The following ATR variants were observed in gnomAD, a reference collection of about 807,000 sequenced individuals.
ATR encodes the protein ATR checkpoint kinase.
ATR carries 142 observed loss-of-function variants against 305.3 expected under a neutral mutation model. That is an observed-to-expected ratio of 0.47 (90% CI 0.41 to 0.53). The LOEUF (loss-of-function observed/expected upper bound fraction) is 0.53, where lower values mean the gene tolerates loss of function less well. ATR is among the 20% of genes least tolerant of loss of function. ATR has a pLI of 0.00. For missense variants in ATR, 2,135 were observed against 3,133.1 expected (o/e 0.68, Z 7.60); for synonymous variants, 1,050 against 1,068.1 (o/e 0.98, Z 0.33).
At chr3:142,521,514 A>G (rs1311823571) in intron 23 of ATR, among the ~76,000 whole-genome samples, 1 of 152,236 alleles carries the variant, frequency 6.6e-6, no homozygotes, top group Non-Finnish European at 1.5e-5. Flanking sequence ...GAGTAAACTG[A>G]AAACCTTCTG....
chr3:142,469,601 A>T, intron 37 of ATR, 32 bp from the exon 38 acceptor site: 1 of 1,554,692 alleles, frequency 6.4e-7, no homozygotes, highest in South Asian at 1.1e-5. Flanking sequence ...AAAAACAATA[A>T]AGGAAAGAGA....
intron 21 of ATR, among the ~76,000 whole-genome samples, chr3:142,527,115 ATTTG>A (rs1489488958): frequency 6.6e-6 from 1 of 152,070 alleles, no homozygotes; most frequent in Non-Finnish European, 1.5e-5. Flanking sequence ...TGTGAAATTG[ATTTG>A]TTTGATAATA....
chr3:142,560,850 G>A (rs377382138), intron 5 of ATR, among the ~76,000 whole-genome samples: 3 of 152,118 alleles, frequency 2.0e-5, no homozygotes, highest in East Asian at 3.9e-4. Context: ...GTGAGCCACC[G>A]CGCCCAGCCT....
chr3:142,560,380 A>C lies in ATR; in HGVS notation c.1424T>G (p.Ile475Ser), dbSNP rs781126519. Residue 475 changes from isoleucine (I) to serine (S), a missense_variant, in exon 6 of 47, where the codon ATT becomes AGT. By Grantham distance (142) the Ile-to-Ser change is moderately radical. Coordinates refer to ENST00000350721, the MANE Select transcript of ATR (RefSeq NM_001184.4). ...CTTTAGGCCACTGTATTCAAGGGAA[A>C]TCTGAAGGGATTCAGCTTTCTGTTT... ...ALKQKAESLQ[I>S]SLEYSGLKNP... 9 of 1,613,882 alleles carry C rather than the reference A, an allele frequency of 5.6e-6. No homozygotes were observed. In the East Asian group the frequency reaches 1.8e-4, roughly 32 times the overall value.
At chr3:142,471,677 A>G (rs543566469) in intron 36 of ATR, among the ~76,000 whole-genome samples, 3 of 152,338 alleles carry the variant, frequency 2.0e-5, no homozygotes, top group African/African-American at 4.8e-5. Flanking sequence ...TGAAACATGT[A>G]TACATTGTGG....
chr3:142,514,569 G>GA (rs2032768878), intron 25 of ATR, among the ~76,000 whole-genome samples: 1 of 151,346 alleles, frequency 6.6e-6, no homozygotes, highest in African/African-American at 2.4e-5. Context: ...GGGAGGCGGA[G>GA]CTTGCAGTGA....
At chr3:142,516,468 T>C (rs1166136883) in intron 24 of ATR, among the ~76,000 whole-genome samples, 1 of 152,180 alleles carries the variant, frequency 6.6e-6, no homozygotes, top group Non-Finnish European at 1.5e-5. Context: ...GTTACAGAAT[T>C]CCTTCTACGT....
intron 45 of ATR, among the ~76,000 whole-genome samples, chr3:142,456,301 C>T (rs2070904488): frequency 6.6e-6 from 1 of 152,118 alleles, no homozygotes; most frequent in East Asian, 1.9e-4. Flanking sequence ...GGCATGGTGG[C>T]TCATGCCTAT....
chr3:142,451,270 G>T, intron 46 of ATR: 1 of 1,207,274 alleles, frequency 8.3e-7, no homozygotes, highest in South Asian at 1.6e-5. Context: ...GGCTAGCTGA[G>T]AGAAACAAAC....
At chr3:142,538,063 G>C (rs2033920216) in intron 19 of ATR, among the ~76,000 whole-genome samples, 2 of 152,156 alleles carry the variant, frequency 1.3e-5, no homozygotes, top group Non-Finnish European at 2.9e-5. Context: ...ATCAAGAAAA[G>C]TGATGAAAGC....
intron 1 of ATR, among the ~76,000 whole-genome samples, chr3:142,575,213 C>A (rs2035396888): frequency 6.6e-6 from 1 of 152,146 alleles, no homozygotes; most frequent in African/African-American, 2.4e-5. Context: ...TCTTACTATC[C>A]TTTTAAAAGT....
intron 36 of ATR, among the ~76,000 whole-genome samples, chr3:142,478,463 T>C (rs2030095999): frequency 1.3e-5 from 2 of 152,220 alleles, no homozygotes; most frequent in Non-Finnish European, 2.9e-5. Flanking sequence ...GACAGTTTGT[T>C]ATAATTTCTG....
chr3:142,549,329 G>A, intron 15 of ATR, 150 bp downstream of exon 15: 1 of 560,638 alleles, frequency 1.8e-6, no homozygotes, highest in Non-Finnish European at 2.9e-6. Flanking sequence ...ATGCTCTCAG[G>A]ACAAAGATTA....
chr3:142,550,308 G>A lies in ATR; in HGVS notation c.2806-6C>T. On this transcript the variant is annotated splice_region_variant and splice_polypyrimidine_tract_variant and intron_variant, in intron 13 of 46. Transcript: ENST00000350721. ...TGAAGGGATTCTACCAAAAACTAGA[G>A]CAAAAACCATTTTATTGTGAGTTTT... 6.2e-7 allele frequency: 1 copy of A among 1,613,654 alleles called. No individual in the cohort carries two copies. The highest frequency in any genetic ancestry group is 8.5e-7 in the Non-Finnish European group (1 of 1,179,616).
chr3:142,472,243 T>A (rs541080222), intron 36 of ATR: 2 of 152,160 alleles, frequency 1.3e-5, no homozygotes, highest in African/African-American at 4.8e-5. Context: ...AGTGCAGATA[T>A]CTCTTCAACA....
At position 142,497,116 on chromosome 3, in the gene ATR, C is replaced by A. The variant is rs387907327; in HGVS notation, c.5635G>T (p.Asp1879Tyr). The A allele has an allele frequency of 9.3e-6, 15 of 1,613,974 alleles. No individual in the cohort carries two copies. Among genetic ancestry groups the A allele is most frequent in the Admixed American group, 1.7e-5 (1 of 59,998 alleles). Residue 1879 changes from aspartate (D) to tyrosine (Y), a missense_variant, in exon 33 of 47, where the codon GAT becomes TAT. Physicochemically the swap from Asp to Tyr is radical, Grantham distance 160 (BLOSUM62 -3). Transcript: ENST00000350721. ...AGTCGAGCTACCCAGTTTAGAGAAT[C>A]TTCTTGAGAACTGTCACCTGGAGAA... is the stretch of plus-strand genomic sequence containing the variant. The part of the protein sequence containing the change: ...QHSPGDSSQE[D>Y]SLNWVARLEM...
In ATR at chr3:142,496,357, T is replaced by A; in HGVS notation, c.5898+4A>T. 1 of 1,472,948 alleles carries A rather than the reference T, an allele frequency of 6.8e-7. No individual in the cohort carries two copies. Among genetic ancestry groups the A allele is most frequent in the Non-Finnish European group, 9.1e-7 (1 of 1,097,444 alleles). 91.2% of individuals were successfully genotyped at this position (1,472,948 alleles called of 1,614,324 possible). ...ATATATGATGACATTTCCCTGGCCA[T>A]TACCTTGGACCAGAGCCACTTTGCC... is the stretch of plus-strand genomic sequence containing the variant. On this transcript the variant is annotated splice_donor_region_variant and intron_variant, in intron 34 of 46. Coordinates refer to ENST00000350721, the MANE Select transcript of ATR (RefSeq NM_001184.4).
chr3:142,470,573 C>T (rs1024335653), intron 36 of ATR, among the ~76,000 whole-genome samples: 3 of 152,094 alleles, frequency 2.0e-5, no homozygotes, highest in African/African-American at 7.2e-5. Context: ...CTTGGTCACC[C>T]TAAATCCATA....
intron 39 of ATR, 98 bp from the exon 40 acceptor site, chr3:142,466,631 A>G: frequency 8.6e-7 from 1 of 1,167,762 alleles, no homozygotes; most frequent in Non-Finnish European, 1.2e-6. Context: ...AAGGTTCAGC[A>G]GTCTGTGGTT....
Sources: allele counts gnomAD v4.1 joint callset (sites outside exome capture counted in the v4.1 genomes callset), GRCh38; gene constraint gnomAD v4.1.1; transcripts MANE v1.5; gene names NCBI Gene and HGNC (gene_info 2026-07-23, HGNC 2026-07-21).